The following ROBO2 variants were observed in gnomAD, a reference collection of about 807,000 sequenced individuals.
ROBO2 encodes the protein roundabout guidance receptor 2, also known as roundabout homolog 2.
A neutral mutation model predicts 160.8 loss-of-function variants in ROBO2; 53 were observed. That is an observed-to-expected ratio of 0.33 (90% confidence interval 0.26 to 0.41). ROBO2 has a LOEUF of 0.41. ROBO2 is among the 10% of genes least tolerant of loss of function. The pLI is 1.00. For synonymous variants in ROBO2, 664 were observed against 611.7 expected, an observed-to-expected ratio of 1.09 and a Z score of -1.26; for missense variants, 1,577 against 1,722.4, an observed-to-expected ratio of 0.92 and a Z score of 1.49.
intron 2 of ROBO2, among the ~76,000 whole-genome samples, chr3:77,344,698 A>G (rs1344936787): frequency 2.6e-5 from 4 of 152,160 alleles, no homozygotes; most frequent in African/African-American, 9.7e-5. Flanking sequence ...ACTGAAACAG[A>G]AGATAAAAAA....
chr3:76,756,249 G>A (rs1322057901), intron 2 of ROBO2, among the ~76,000 whole-genome samples: 3 of 151,690 alleles, frequency 2.0e-5, no homozygotes, highest in African/African-American at 7.3e-5. Flanking sequence ...ACCAATATGA[G>A]AAATAAGAGA....
intron 2 of ROBO2, among the ~76,000 whole-genome samples, chr3:77,257,671 A>G (rs1294019173): frequency 6.6e-6 from 1 of 152,226 alleles, no homozygotes; most frequent in Non-Finnish European, 1.5e-5. Context: ...GTTTTCAGCA[A>G]CATTAGCTTA....
intron 2 of ROBO2, among the ~76,000 whole-genome samples, chr3:76,422,423 A>G (rs1344110477): frequency 2.0e-5 from 3 of 152,192 alleles, no homozygotes; most frequent in Non-Finnish European, 4.4e-5. Context: ...CTACTTGAAC[A>G]GGTGGGCCTG....
At chr3:77,017,648 G>A (rs528803311) in intron 2 of ROBO2, among the ~76,000 whole-genome samples, 2 of 151,984 alleles carry the variant, frequency 1.3e-5, no homozygotes, top group African/African-American at 4.8e-5. Context: ...GACACATCAG[G>A]TAGAAACACA....
chr3:76,386,161 T>G (rs1175788196), intron 2 of ROBO2, among the ~76,000 whole-genome samples: 1 of 152,182 alleles, frequency 6.6e-6, no homozygotes, highest in African/African-American at 2.4e-5. Context: ...TATGTTATAT[T>G]GATTTTAACA....
intron 2 of ROBO2, among the ~76,000 whole-genome samples, chr3:76,992,394 T>C (rs1475157299): frequency 6.9e-6 from 1 of 145,462 alleles, no homozygotes; most frequent in African/African-American, 2.5e-5. Flanking sequence ...AAAAAAAAAG[T>C]ATATGCATAT....
chr3:77,578,934 C>T (rs1445668479), intron 15 of ROBO2, among the ~76,000 whole-genome samples: 1 of 151,954 alleles, frequency 6.6e-6, no homozygotes, highest in Non-Finnish European at 1.5e-5. Context: ...ACTCTCTAGG[C>T]ACTTGCCATA....
At chr3:76,827,060 G>A (rs1285497164) in intron 2 of ROBO2, among the ~76,000 whole-genome samples, 3 of 152,090 alleles carry the variant, frequency 2.0e-5, no homozygotes, top group African/African-American at 7.2e-5. Flanking sequence ...GACAATATAC[G>A]GTTATGGCTT....
intron 2 of ROBO2, among the ~76,000 whole-genome samples, chr3:76,547,627 G>A (rs1323471561): frequency 1.3e-5 from 2 of 152,012 alleles, no homozygotes; most frequent in East Asian, 1.9e-4. Context: ...TGGGTTACAA[G>A]AGGGCAATAA....
intron 2 of ROBO2, among the ~76,000 whole-genome samples, chr3:76,389,493 C>A (rs951394743): frequency 3.3e-5 from 5 of 152,128 alleles, no homozygotes; most frequent in Admixed American, 2.6e-4. Context: ...TAGGAAGATA[C>A]CATCTTGAAC....
At chr3:77,626,349 T>C (rs1308146850) in intron 23 of ROBO2, among the ~76,000 whole-genome samples, 1 of 152,216 alleles carries the variant, frequency 6.6e-6, no homozygotes, top group Non-Finnish European at 1.5e-5. Context: ...GCTAACAAAA[T>C]TCAACTGTAT....
chr3:76,742,821 T>G (rs779429856), intron 2 of ROBO2, among the ~76,000 whole-genome samples: 1 of 119,280 alleles, frequency 8.4e-6, no homozygotes, highest in African/African-American at 3.2e-5. Flanking sequence ...CACACACATA[T>G]TCACACATAC....
At chr3:77,288,555 T>A (rs1422864817) in intron 2 of ROBO2, among the ~76,000 whole-genome samples, 2 of 152,184 alleles carry the variant, frequency 1.3e-5, no homozygotes, top group Admixed American at 6.5e-5. Context: ...GTTGTGCTGT[T>A]TTCCCTGTTT....
intron 6 of ROBO2, among the ~76,000 whole-genome samples, chr3:77,533,390 G>T (rs568737120): frequency 3.5e-4 from 54 of 152,264 alleles, no homozygotes; most frequent in African/African-American, 1.3e-3. Context: ...CCAAATGCAG[G>T]CAGTCTCAAC....
chr3:76,563,735 T>C (rs2084340670), intron 2 of ROBO2, among the ~76,000 whole-genome samples: 1 of 152,200 alleles, frequency 6.6e-6, no homozygotes, highest in Non-Finnish European at 1.5e-5. Flanking sequence ...GACAGTATTA[T>C]CAATTTTTCC....
intron 2 of ROBO2, among the ~76,000 whole-genome samples, chr3:76,188,262 G>A (rs970576632): frequency 2.6e-5 from 4 of 151,988 alleles, no homozygotes; most frequent in African/African-American, 9.7e-5. Flanking sequence ...CTAAAATGAG[G>A]TCACTAGTGT....
At chr3:76,546,431 C>G (rs187939456) in intron 2 of ROBO2, among the ~76,000 whole-genome samples, 1 of 151,808 alleles carries the variant, frequency 6.6e-6, no homozygotes, top group Non-Finnish European at 1.5e-5. Context: ...TTAGTTTGCA[C>G]GGCAAAGAGA....
chr3:77,177,035 A>G (rs1041463570), intron 2 of ROBO2, among the ~76,000 whole-genome samples: 1 of 151,934 alleles, frequency 6.6e-6, no homozygotes, highest in African/African-American at 2.4e-5. Flanking sequence ...AAAAAAATGG[A>G]AAAAACACAA....
chr3:77,014,679 T>C (rs1437186947), intron 2 of ROBO2, among the ~76,000 whole-genome samples: 1 of 152,020 alleles, frequency 6.6e-6, no homozygotes, highest in African/African-American at 2.4e-5. Flanking sequence ...GAATGAACAA[T>C]CAGGAGTAGT....
Sources: allele counts gnomAD v4.1 joint callset (sites outside exome capture counted in the v4.1 genomes callset), GRCh38; gene constraint gnomAD v4.1.1; transcripts MANE v1.5; gene names NCBI Gene and HGNC (gene_info 2026-07-23, HGNC 2026-07-21).